The following IGSF21 variants were observed in gnomAD, a reference collection of about 807,000 sequenced individuals.
IGSF21 encodes the protein immunoglobin superfamily member 21.
In IGSF21, 28 loss-of-function variants were observed where a neutral mutation model predicts 46.8. That is an observed-to-expected ratio of 0.60 (90% CI 0.44 to 0.82). IGSF21 has a LOEUF of 0.82. Among genes scored for constraint, IGSF21 ranks in the 40% least tolerant of loss-of-function variants. The pLI is 0.00. For synonymous variants in IGSF21, 284 were observed against 273.6 expected, an observed-to-expected ratio of 1.04 and a Z score of -0.38; for missense variants, 624 against 665.5, an observed-to-expected ratio of 0.94 and a Z score of 0.69.
intron 1 of IGSF21, among the ~76,000 whole-genome samples, chr1:18,158,993 A>G (rs146006112): frequency 3.9e-4 from 59 of 152,240 alleles, no homozygotes; most frequent in Non-Finnish European, 7.2e-4. Context: ...GGGCTCTGCT[A>G]GGGTGGCACC....
intron 2 of IGSF21, among the ~76,000 whole-genome samples, chr1:18,239,304 T>A (rs1250454023): frequency 6.6e-6 from 1 of 151,936 alleles, no homozygotes; most frequent in Non-Finnish European, 1.5e-5. Flanking sequence ...AGACTCACCA[T>A]CCCTCCTAAA....
chr1:18,332,951 G>A (rs2085729730), intron 3 of IGSF21, among the ~76,000 whole-genome samples: 1 of 152,178 alleles, frequency 6.6e-6, no homozygotes, highest in Non-Finnish European at 1.5e-5. Flanking sequence ...AGATGGAGCA[G>A]GTAGCTAAAA....
intron 4 of IGSF21, among the ~76,000 whole-genome samples, chr1:18,336,920 C>T (rs564995555): frequency 1.3e-5 from 2 of 152,284 alleles, no homozygotes; most frequent in East Asian, 3.9e-4. Flanking sequence ...AGGGAAACTC[C>T]CCTTTATGAA....
At chr1:18,135,343 G>A (rs1455945612) in intron 1 of IGSF21, among the ~76,000 whole-genome samples, 2 of 152,032 alleles carry the variant, frequency 1.3e-5, no homozygotes, top group Non-Finnish European at 2.9e-5. Context: ...CAGGGGCCAT[G>A]CTGGTGCGCT....
At chr1:18,162,059 G>C (rs2086631075) in intron 1 of IGSF21, among the ~76,000 whole-genome samples, 1 of 151,516 alleles carries the variant, frequency 6.6e-6, no homozygotes, top group African/African-American at 2.4e-5. Context: ...CTTTTTTTGA[G>C]ACAGGGTGTC....
chr1:18,198,827 A>C (rs1272014847), intron 1 of IGSF21, among the ~76,000 whole-genome samples: 8 of 152,116 alleles, frequency 5.3e-5, no homozygotes, highest in Non-Finnish European at 1.2e-4. Context: ...TTGAGGATCT[A>C]ATAAGGTCGT....
intron 3 of IGSF21, among the ~76,000 whole-genome samples, chr1:18,331,552 A>G (rs950972044): frequency 1.3e-5 from 2 of 152,210 alleles, no homozygotes; most frequent in African/African-American, 4.8e-5. Flanking sequence ...GCAATTGCAA[A>G]TTGTGCTGCT....
intron 1 of IGSF21, among the ~76,000 whole-genome samples, chr1:18,137,836 T>G (rs1271184977): frequency 6.6e-6 from 1 of 152,160 alleles, no homozygotes; most frequent in Non-Finnish European, 1.5e-5. Context: ...TTATAAATAT[T>G]AATGTGTGTA....
intron 2 of IGSF21, among the ~76,000 whole-genome samples, chr1:18,272,250 T>G (rs900431835): frequency 6.6e-6 from 1 of 150,568 alleles, no homozygotes; most frequent in African/African-American, 2.4e-5. Context: ...CATGATTCAA[T>G]TACCTCTCAC....
chr1:18,216,474 T>C (rs547451494), intron 1 of IGSF21, among the ~76,000 whole-genome samples: 1 of 152,102 alleles, frequency 6.6e-6, no homozygotes, highest in Non-Finnish European at 1.5e-5. Context: ...ATTGAGATTT[T>C]AGGGGGCTGG....
chr1:18,287,257 G>A (rs1024227703), intron 2 of IGSF21, among the ~76,000 whole-genome samples: 11 of 151,564 alleles, frequency 7.3e-5, no homozygotes, highest in East Asian at 1.9e-4. Flanking sequence ...TTAGCTAGGC[G>A]TGGTGGCAGG....
chr1:18,228,450 T>C (rs372455556), intron 2 of IGSF21, among the ~76,000 whole-genome samples: 202 of 152,302 alleles, frequency 1.3e-3, no homozygotes, highest in African/African-American at 4.7e-3. Context: ...CCACCTAATC[T>C]GACTACGTAT....
intron 1 of IGSF21, among the ~76,000 whole-genome samples, chr1:18,139,432 G>A (rs1435146471): frequency 6.6e-6 from 1 of 152,170 alleles, no homozygotes. Flanking sequence ...CTCCCTGGGC[G>A]ATCCATCTCA....
intron 1 of IGSF21, among the ~76,000 whole-genome samples, chr1:18,200,035 G>C (rs537445205): frequency 6.6e-6 from 1 of 152,128 alleles, no homozygotes; most frequent in Non-Finnish European, 1.5e-5. Flanking sequence ...CCCCACTCAT[G>C]GGTTCTGCTG....
chr1:18,275,373 G>T (rs1483793448), intron 2 of IGSF21, among the ~76,000 whole-genome samples: 1 of 152,188 alleles, frequency 6.6e-6, no homozygotes, highest in African/African-American at 2.4e-5. Flanking sequence ...CAAGGGGATG[G>T]AGAACTGACC....
chr1:18,150,000 T>C (rs1216347962), intron 1 of IGSF21, among the ~76,000 whole-genome samples: 1 of 152,112 alleles, frequency 6.6e-6, no homozygotes, highest in African/African-American at 2.4e-5. Flanking sequence ...ATGCCTATAA[T>C]CCCAGCACTT....
At chr1:18,161,347 G>A (rs541506945) in intron 1 of IGSF21, among the ~76,000 whole-genome samples, 4 of 152,212 alleles carry the variant, frequency 2.6e-5, no homozygotes, top group South Asian at 2.1e-4. Context: ...GGTGGCTTGC[G>A]GGGATGGTGC....
rs1363927541 is a variant in IGSF21, at chr1:18,289,032, G to A, written c.184-2834G>A. ...GGATAATTCTTCAGTGCTTTATCTG[G>A]GGTGTGTGGGTATGTGTGTGGATGT... is the stretch of plus-strand genomic sequence containing the variant. On this transcript the variant is annotated intron_variant, in intron 2 of 9. Transcript: ENST00000251296. Among the ~76,000 whole-genome samples the A allele has an allele frequency of 2.0e-5, 3 of 152,272 alleles. No individual in the cohort carries two copies. In the South Asian group the frequency reaches 6.2e-4, roughly 32 times the overall value.
intron 1 of IGSF21, among the ~76,000 whole-genome samples, chr1:18,226,934 G>A (rs1487814153): frequency 6.6e-6 from 1 of 152,226 alleles, no homozygotes; most frequent in African/African-American, 2.4e-5. Flanking sequence ...CTGGGATGGG[G>A]CTAGTGGAGG....
Sources: gnomAD v4.1 joint callset for allele counts (sites outside exome capture counted in the v4.1 genomes callset) on GRCh38, gnomAD v4.1.1 for gene constraint, MANE v1.5 for transcripts, NCBI Gene and HGNC (gene_info 2026-07-23, HGNC 2026-07-21) for gene names.